The following MACROH2A2 variants were observed in gnomAD, a reference collection of about 807,000 sequenced individuals.
The protein encoded by MACROH2A2 is core histone macro-H2A.2.
A neutral mutation model predicts 37.6 loss-of-function variants in MACROH2A2; 6 were observed. The observed-to-expected ratio is 0.16, with a 90% CI of 0.09 to 0.32. MACROH2A2 has a LOEUF of 0.32. Ranked by LOEUF, MACROH2A2 falls within the 10% of genes least tolerant of loss-of-function variation. The pLI, the probability that MACROH2A2 is intolerant of heterozygous loss-of-function variation, is 1.00. For synonymous variants in MACROH2A2, 192 were observed against 202.7 expected (o/e 0.95, Z 0.45); for missense variants, 290 against 485.9 (o/e 0.60, Z 3.79).
rs534484953 is a variant in MACROH2A2 at position 70,072,030 on chromosome 10, AT to A, written c.-59-3568del. On this transcript the variant is annotated intron_variant, in intron 1 of 8. Transcript: ENST00000373255. ...TACCCAATAATAAATTTTCCAATAA[AT>A]TATCCAATAATAAATTAACCTTAGC... is the stretch of plus-strand genomic sequence containing the variant. Among the ~76,000 whole-genome samples, 5 of 152,288 alleles carry A rather than the reference AT, an allele frequency of 3.3e-5. No individual in the cohort carries two copies. In the East Asian group the frequency reaches 9.6e-4, roughly 29 times the overall value.
In MACROH2A2 at chr10:70,076,246, C is replaced by A. The variant is rs185791405; in HGVS notation, c.172+416C>A. On this transcript the variant is annotated intron_variant, in intron 2 of 8. Coordinates refer to ENST00000373255, the MANE Select transcript of MACROH2A2 (RefSeq NM_018649.3). ...AATTGCTCATTAAACATTAGTTTTCCTGGTATATTTAAACTGGGACTCAGG... is the reference window on the plus strand; with the variant it reads ...AATTGCTCATTAAACATTAGTTTTCATGGTATATTTAAACTGGGACTCAGG... Among the ~76,000 whole-genome samples, 313 of 152,176 alleles carry A rather than the reference C, an allele frequency of 2.1e-3. 4 individuals carry two copies. Among genetic ancestry groups the A allele is most frequent in the Non-Finnish European group, 8.2e-4 (56 of 67,996 alleles).
chr10:70,055,579 C>G (rs189418835), intron 1 of MACROH2A2, among the ~76,000 whole-genome samples: 31 of 152,234 alleles, frequency 2.0e-4, no homozygotes, highest in African/African-American at 7.2e-4. Context: ...GCCCTTCTCT[C>G]ATAAAGCTTA....
chr10:70,100,651 C>G (rs1241308922), intron 7 of MACROH2A2, among the ~76,000 whole-genome samples: 1 of 147,956 alleles, frequency 6.8e-6, no homozygotes, highest in African/African-American at 2.5e-5. Context: ...GAGTCTCACT[C>G]TGTCGCCCAG....
Position 70,075,649 on chromosome 10 carries a change from CTG to C in MACROH2A2, c.-9_-8del. 1 of 1,613,706 alleles carries C rather than the reference CTG, an allele frequency of 6.2e-7. No individual in the cohort carries two copies. Among genetic ancestry groups the C allele is most frequent in the South Asian group, 1.1e-5 (1 of 91,040 alleles). On this transcript the variant is annotated 5_prime_UTR_variant, in exon 2 of 9. Coordinates refer to ENST00000373255, the MANE Select transcript of MACROH2A2 (RefSeq NM_018649.3). This position sits in a 1 kb window ranked among gnomAD's most constrained non-coding sequence, Gnocchi z 5.0. ...CTGTGTCAGCAAGCTGAGAGGGAAA[CTG>C]AAGCAAGATGTCGGGCCGGAGTGGG...
chr10:70,094,968 G>C (rs2072266079), intron 5 of MACROH2A2, among the ~76,000 whole-genome samples: 1 of 152,206 alleles, frequency 6.6e-6, no homozygotes, highest in Non-Finnish European at 1.5e-5. Context: ...GGGGAGAAGA[G>C]AGAGCAAGCC....
chr10:70,056,904 A>G (rs2072021643), intron 1 of MACROH2A2, among the ~76,000 whole-genome samples: 1 of 152,208 alleles, frequency 6.6e-6, no homozygotes, highest in Non-Finnish European at 1.5e-5. Context: ...AAAACGAGCC[A>G]GTAGAGAAGT....
intron 7 of MACROH2A2, among the ~76,000 whole-genome samples, chr10:70,105,511 G>T (rs1409318337): frequency 6.6e-6 from 1 of 152,212 alleles, no homozygotes; most frequent in Non-Finnish European, 1.5e-5. Flanking sequence ...GGACGACTGG[G>T]CATCCAGAAA....
At position 70,053,636 on chromosome 10, in the gene MACROH2A2, G is replaced by T. The variant is rs1362890070; in HGVS notation, c.-60+636G>T. The stretch of plus-strand genomic sequence containing the variant: ...GGCGGGGCGAGGGCTGGGGGTTGCT[G>T]CGCGGACACCCGGGCGCCGCGGGCG... On this transcript the variant is annotated intron_variant, in intron 1 of 8. Transcript: ENST00000373255. This position sits in a 1 kb window ranked among gnomAD's most constrained non-coding sequence, Gnocchi z 4.8. Among the ~76,000 whole-genome samples, 1 of 151,178 alleles carries T rather than the reference G, an allele frequency of 6.6e-6. No individual in the cohort carries two copies. The highest frequency in any genetic ancestry group is 6.6e-5 in the Admixed American group (1 of 15,178).
intron 3 of MACROH2A2, among the ~76,000 whole-genome samples, chr10:70,091,276 T>A (rs898246448): frequency 1.3e-5 from 2 of 152,368 alleles, no homozygotes; most frequent in Admixed American, 1.3e-4. Flanking sequence ...GATGCCTTGT[T>A]AACCTACGGA....
chr10:70,073,201 ACCACTTAGCAATG>A (rs2072120795), intron 1 of MACROH2A2, among the ~76,000 whole-genome samples: 1 of 152,172 alleles, frequency 6.6e-6, no homozygotes, highest in Admixed American at 6.5e-5. Context: ...GAGGACAGGG[ACCACTTAGCAATG>A]CTGTCTGTTT....
intron 1 of MACROH2A2, among the ~76,000 whole-genome samples, chr10:70,069,333 CCT>C (rs1366964739): frequency 6.6e-6 from 1 of 152,182 alleles, no homozygotes; most frequent in East Asian, 1.9e-4. Flanking sequence ...TCTCCCTCTT[CCT>C]CTCTGAGTCT....
chr10:70,069,877 G>A (rs1048652463), intron 1 of MACROH2A2, among the ~76,000 whole-genome samples: 10 of 152,094 alleles, frequency 6.6e-5, no homozygotes, highest in East Asian at 1.9e-4. Flanking sequence ...AGGGTGGCCC[G>A]GGAAAGAAGG....
chr10:70,110,893 A>C (rs1372864413), intron 8 of MACROH2A2, among the ~76,000 whole-genome samples: 2 of 152,094 alleles, frequency 1.3e-5, no homozygotes, highest in Non-Finnish European at 2.9e-5. Flanking sequence ...GCCTCTGAAA[A>C]AAAAACTAAT....
intron 7 of MACROH2A2, among the ~76,000 whole-genome samples, chr10:70,101,123 G>A (rs2072304242): frequency 6.6e-6 from 1 of 152,140 alleles, no homozygotes; most frequent in South Asian, 2.1e-4. Flanking sequence ...GAGAAAGTGG[G>A]TCCAGGGGGC....
Position 70,109,163 on chromosome 10 carries a change from C to T in MACROH2A2, c.909C>T (p.Asp303=), listed in dbSNP as rs775616970. The change falls in exon 8 of 9, where the codon GAC becomes GAT. Residue 303 remains aspartate, a synonymous_variant. Transcript: ENST00000373255. Reference sequence around the variant, plus strand: ...AAAACTGCCTGTCAGCGGCGGAGGACAAGAAGCTAAAGTCCGTCGCGTTCC... The same window carrying T: ...AAAACTGCCTGTCAGCGGCGGAGGATAAGAAGCTAAAGTCCGTCGCGTTCC... ...TIKNCLSAAE[D]KKLKSVAFPP... 6.2e-6 allele frequency: 10 copies of T among 1,614,062 alleles called. No homozygotes were observed. In the East Asian group the frequency reaches 1.8e-4, roughly 29 times the overall value.
intron 1 of MACROH2A2, among the ~76,000 whole-genome samples, chr10:70,068,009 C>T (rs997367229): frequency 6.6e-6 from 1 of 152,094 alleles, no homozygotes; most frequent in African/African-American, 2.4e-5. Context: ...GCCACCAGAA[C>T]TGAAATTAAC....
intron 8 of MACROH2A2, 45 bp from the exon 9 acceptor site, chr10:70,111,473 C>T (rs775036690): frequency 8.8e-6 from 14 of 1,586,706 alleles, no homozygotes; most frequent in Non-Finnish European, 1.2e-5. Flanking sequence ...TCCCATGGGT[C>T]CCAGGGACCA....
At chr10:70,090,222 T>C (rs1208858105) in intron 3 of MACROH2A2, 56 bp downstream of exon 3, 7 of 1,160,616 alleles carry the variant, frequency 6.0e-6, no homozygotes, top group Non-Finnish European at 9.1e-6. Context: ...CATGCTAATG[T>C]GTGGGCCTGG....
chr10:70,060,677 G>C (rs2072045459), intron 1 of MACROH2A2, among the ~76,000 whole-genome samples: 1 of 152,230 alleles, frequency 6.6e-6, no homozygotes, highest in Admixed American at 6.5e-5. Flanking sequence ...TCTTGGCTCA[G>C]ACAAAGCCAG....
Sources: allele counts gnomAD v4.1 joint callset (sites outside exome capture counted in the v4.1 genomes callset), GRCh38; gene constraint gnomAD v4.1.1; non-coding constraint Gnocchi (gnomAD v3.1); transcripts MANE v1.5; gene names NCBI Gene and HGNC (gene_info 2026-07-23, HGNC 2026-07-21).